The following ADAMTS12 variants were observed in gnomAD, a reference collection of about 807,000 sequenced individuals.
ADAMTS12 encodes the protein A disintegrin and metalloproteinase with thrombospondin motifs 12.
In ADAMTS12, 118 loss-of-function variants were observed where a neutral mutation model predicts 167.8. The observed-to-expected ratio is 0.70, with a 90% CI of 0.61 to 0.82. The LOEUF (loss-of-function observed/expected upper bound fraction) is 0.82. ADAMTS12 is among the 40% of genes least tolerant of loss of function. The probability of loss-of-function intolerance (pLI) is 0.00; values close to 1 mark genes in which losing one functional copy is unlikely to be tolerated. For synonymous variants in ADAMTS12, 704 were observed against 716.9 expected (o/e 0.98, Z 0.29); for missense variants, 1,916 against 1,998.8 (o/e 0.96, Z 0.79).
At chr5:33,681,895 G>A (rs1349913572) in intron 5 of ADAMTS12, among the ~76,000 whole-genome samples, 1 of 152,134 alleles carries the variant, frequency 6.6e-6, no homozygotes, top group Non-Finnish European at 1.5e-5. Flanking sequence ...GTCACCACAG[G>A]TCACAGCAAG....
chr5:33,600,944 T>C (rs758872102), intron 16 of ADAMTS12, among the ~76,000 whole-genome samples: 3 of 152,166 alleles, frequency 2.0e-5, no homozygotes, highest in Admixed American at 6.5e-5. Flanking sequence ...TTAGCCAACT[T>C]TCACTTTAGG....
intron 2 of ADAMTS12, among the ~76,000 whole-genome samples, chr5:33,800,846 T>C (rs1026482887): frequency 1.3e-5 from 2 of 152,168 alleles, no homozygotes; most frequent in Non-Finnish European, 2.9e-5. Flanking sequence ...AATAACGGTA[T>C]CTATGTCCTA....
At chr5:33,750,497 C>T (rs1744935097) in intron 3 of ADAMTS12, among the ~76,000 whole-genome samples, 1 of 152,194 alleles carries the variant, frequency 6.6e-6, no homozygotes, top group Non-Finnish European at 1.5e-5. Flanking sequence ...TCCACCTTCC[C>T]TCACTGCCTC....
intron 16 of ADAMTS12, among the ~76,000 whole-genome samples, chr5:33,603,964 G>A (rs1738306339): frequency 6.6e-6 from 1 of 152,140 alleles, no homozygotes; most frequent in South Asian, 2.1e-4. Flanking sequence ...TCAGGCTCCT[G>A]GCCTTGTTAG....
Position 33,878,952 on chromosome 5 carries a change from AC to A in ADAMTS12, c.489+2166del, listed in dbSNP as rs1261429827. On this transcript the variant is annotated intron_variant, in intron 2 of 23. Coordinates refer to ENST00000504830, the MANE Select transcript of ADAMTS12 (RefSeq NM_030955.4). ...AGAATCTCCTGGATAGCTAATTAAA[AC>A]AAAGGTTTCAGACAAGCAAATCTAC... Among the ~76,000 whole-genome samples, 8 of 152,312 alleles carry A rather than the reference AC, an allele frequency of 5.3e-5. No individual in the cohort carries two copies. In the East Asian group the frequency reaches 1.5e-3, roughly 29 times the overall value.
chr5:33,583,533 G>T (rs548791853), intron 18 of ADAMTS12, among the ~76,000 whole-genome samples: 1 of 152,250 alleles, frequency 6.6e-6, no homozygotes, highest in South Asian at 2.1e-4. Flanking sequence ...TGGATCACGT[G>T]ATAGCTTAAC....
intron 2 of ADAMTS12, among the ~76,000 whole-genome samples, chr5:33,858,786 T>C (rs1051650705): frequency 1.3e-5 from 2 of 151,982 alleles, no homozygotes; most frequent in Non-Finnish European, 2.9e-5. Context: ...GGCAGGTGAT[T>C]TCTTCATTTC....
At chr5:33,541,450 C>A (rs922601757) in intron 22 of ADAMTS12, among the ~76,000 whole-genome samples, 24 of 152,204 alleles carry the variant, frequency 1.6e-4, no homozygotes, top group African/African-American at 5.1e-4. Context: ...CCTAGCAAGG[C>A]AGGCCAACAT....
chr5:33,555,841 A>C (rs539009808), intron 20 of ADAMTS12, among the ~76,000 whole-genome samples: 8 of 152,354 alleles, frequency 5.3e-5, no homozygotes, highest in African/African-American at 1.9e-4. Context: ...GACACGTGGC[A>C]GTACTACCAC....
At chr5:33,616,094 A>G in intron 14 of ADAMTS12, 22 bp from the exon 15 acceptor site, 1 of 1,611,568 alleles carries the variant, frequency 6.2e-7, no homozygotes, top group Non-Finnish European at 8.5e-7. Flanking sequence ...AGACACAATC[A>G]TGAAAGAGGC....
chr5:33,637,550 C>T, intron 12 of ADAMTS12, 27 bp downstream of exon 12: 1 of 1,600,774 alleles, frequency 6.2e-7, no homozygotes, highest in Admixed American at 1.7e-5. Context: ...TTCCCTAGAT[C>T]TGAGATACAC....
intron 18 of ADAMTS12, among the ~76,000 whole-genome samples, chr5:33,587,443 T>C (rs868014712): frequency 2.6e-5 from 4 of 152,286 alleles, no homozygotes; most frequent in African/African-American, 9.6e-5. Context: ...TCCTGAGCAA[T>C]GGTGGCATTA....
intron 2 of ADAMTS12, among the ~76,000 whole-genome samples, chr5:33,862,964 C>T (rs981831387): frequency 2.6e-5 from 4 of 152,108 alleles, no homozygotes; most frequent in African/African-American, 9.7e-5. Context: ...TCAATAGATA[C>T]AGAAAAGGCC....
intron 2 of ADAMTS12, among the ~76,000 whole-genome samples, chr5:33,801,605 G>A (rs569158174): frequency 6.6e-6 from 1 of 152,138 alleles, no homozygotes; most frequent in African/African-American, 2.4e-5. Context: ...TGTCCTTTCA[G>A]AAAAAACAAG....
intron 1 of ADAMTS12, among the ~76,000 whole-genome samples, chr5:33,884,265 C>T (rs1750562804): frequency 6.6e-6 from 1 of 152,172 alleles, no homozygotes; most frequent in Admixed American, 6.5e-5. Flanking sequence ...GTCACCCCTG[C>T]AGGGCATCCT....
At chr5:33,851,265 A>C (rs1430313638) in intron 2 of ADAMTS12, among the ~76,000 whole-genome samples, 1 of 152,114 alleles carries the variant, frequency 6.6e-6, no homozygotes, top group Non-Finnish European at 1.5e-5. Context: ...ACAAAAAATT[A>C]ACCAGGCATG....
intron 20 of ADAMTS12, 37 bp downstream of exon 20, chr5:33,560,990 C>G: frequency 2.5e-6 from 4 of 1,609,184 alleles, no homozygotes; most frequent in Non-Finnish European, 3.4e-6. Context: ...TCCCCACCTT[C>G]TCTACCTCCA....
intron 3 of ADAMTS12, among the ~76,000 whole-genome samples, chr5:33,731,314 T>A (rs1394993475): frequency 6.6e-6 from 1 of 151,746 alleles, no homozygotes. Flanking sequence ...GCCTTCCGAG[T>A]AGCTGGGATT....
chr5:33,647,388 A>G (rs1209562932), intron 9 of ADAMTS12, among the ~76,000 whole-genome samples: 1 of 152,160 alleles, frequency 6.6e-6, no homozygotes, highest in African/African-American at 2.4e-5. Context: ...AAGCGTTCAG[A>G]TTCTACCATT....
Sources: gnomAD v4.1 joint callset for allele counts (sites outside exome capture counted in the v4.1 genomes callset) on GRCh38, gnomAD v4.1.1 for gene constraint, MANE v1.5 for transcripts, NCBI Gene and HGNC (gene_info 2026-07-23, HGNC 2026-07-21) for gene names.